The following TADA2A variants were observed in gnomAD, a reference collection of about 807,000 sequenced individuals.
TADA2A encodes transcriptional adapter 2-alpha.
TADA2A carries 38 observed loss-of-function variants against 67.4 expected under a neutral mutation model. The observed-to-expected ratio is 0.56, with a 90% confidence interval of 0.44 to 0.74. The LOEUF is 0.74. TADA2A is among the 30% of genes least tolerant of loss of function. The probability of loss-of-function intolerance (pLI) is 0.00; values close to 1 mark genes in which losing one functional copy is unlikely to be tolerated. For synonymous variants in TADA2A, 192 were observed against 181.6 expected (o/e 1.06, Z -0.46); for missense variants, 454 against 547.0 (o/e 0.83, Z 1.70).
intron 2 of TADA2A, among the ~76,000 whole-genome samples, chr17:37,415,681 C>T (rs2052019395): frequency 6.6e-6 from 1 of 151,822 alleles, no homozygotes; most frequent in Non-Finnish European, 1.5e-5. Flanking sequence ...TGTTCGAGAC[C>T]AGCCTGACCA....
intron 15 of TADA2A, among the ~76,000 whole-genome samples, chr17:37,475,548 C>T (rs1240920726): frequency 1.3e-5 from 2 of 151,754 alleles, no homozygotes; most frequent in African/African-American, 2.4e-5. Flanking sequence ...TCTCGGCTCA[C>T]TGCAACCTCT....
rs1455380819 is a variant in TADA2A, at chr17:37,473,869, G to T, written c.1073-687G>T. Among the ~76,000 whole-genome samples the T allele has an allele frequency of 2.0e-5, 3 of 152,190 alleles. No homozygotes were observed. The East Asian group carries it at 5.8e-4, about 29-fold the overall frequency. On this transcript the variant is annotated intron_variant, in intron 14 of 15. Coordinates refer to ENST00000615182, the MANE Select transcript of TADA2A (RefSeq NM_001166105.3). ...AATAAAAAAGAAGGGCCTTTTGCTGGCCTAACAGTCTTTCTTTGATCTGAA... is the reference window on the plus strand; with the variant it reads ...AATAAAAAAGAAGGGCCTTTTGCTGTCCTAACAGTCTTTCTTTGATCTGAA...
intron 10 of TADA2A, among the ~76,000 whole-genome samples, chr17:37,464,944 C>T (rs939985324): frequency 6.6e-5 from 10 of 151,526 alleles, no homozygotes; most frequent in African/African-American, 2.4e-4. Flanking sequence ...GTCAAGAGTT[C>T]AAGACCAGCC....
At chr17:37,416,982 G>A (rs2052069785) in intron 2 of TADA2A, among the ~76,000 whole-genome samples, 1 of 152,008 alleles carries the variant, frequency 6.6e-6, no homozygotes, top group Admixed American at 6.6e-5. Context: ...CCTTTTGAAG[G>A]ACAGTTGGGC....
At chr17:37,447,309 C>G (rs2053111095) in intron 8 of TADA2A, among the ~76,000 whole-genome samples, 1 of 152,174 alleles carries the variant, frequency 6.6e-6, no homozygotes, top group African/African-American at 2.4e-5. Context: ...TTAGCGCCAC[C>G]ATGCCCAGCT....
At chr17:37,423,316 G>A (rs72828253) in intron 2 of TADA2A, among the ~76,000 whole-genome samples, 193 bp from the exon 3 acceptor site, 110,361 of 152,130 alleles carry the variant, frequency 0.73, 40,669 homozygotes, top group East Asian at 0.97. Flanking sequence ...CTGTGTGAAA[G>A]GGAACAATGC....
intron 5 of TADA2A, among the ~76,000 whole-genome samples, chr17:37,439,702 A>C (rs1252150700): frequency 6.6e-6 from 1 of 152,166 alleles, no homozygotes; most frequent in African/African-American, 2.4e-5. Context: ...TCTGTTGTGA[A>C]TGTTTCTAGC....
intron 10 of TADA2A, among the ~76,000 whole-genome samples, chr17:37,465,065 T>A (rs1010309636): frequency 5.3e-5 from 8 of 151,308 alleles, no homozygotes; most frequent in Non-Finnish European, 7.4e-5. Context: ...GGAGAATTGC[T>A]TGAATCCAGG....
chr17:37,464,565 C>T (rs2053618434), intron 10 of TADA2A, among the ~76,000 whole-genome samples: 1 of 152,120 alleles, frequency 6.6e-6, no homozygotes, highest in Non-Finnish European at 1.5e-5. Context: ...GGTGGCCGGG[C>T]GCGGTGGCTC....
At chr17:37,471,399 T>C (rs1288258379) in intron 14 of TADA2A, among the ~76,000 whole-genome samples, 1 of 152,238 alleles carries the variant, frequency 6.6e-6, no homozygotes, top group Non-Finnish European at 1.5e-5. Flanking sequence ...AACTTCTTTA[T>C]TTTACCAATG....
At chr17:37,456,128 C>T (rs537023543) in intron 8 of TADA2A, among the ~76,000 whole-genome samples, 14 of 152,200 alleles carry the variant, frequency 9.2e-5, no homozygotes, top group African/African-American at 2.9e-4. Context: ...CCCTTGAACC[C>T]GGGAGGCAGA....
intron 14 of TADA2A, among the ~76,000 whole-genome samples, chr17:37,473,700 C>T (rs1568187774): frequency 6.6e-6 from 1 of 152,216 alleles, no homozygotes; most frequent in Admixed American, 6.5e-5. Context: ...CCCCTCCTGG[C>T]CAGTGACCTC....
chr17:37,472,097 G>A lies in TADA2A; in HGVS notation c.1072+960G>A, dbSNP rs879424813. Among the ~76,000 whole-genome samples the A allele has an allele frequency of 4.0e-5, 6 of 151,166 alleles. No individual in the cohort carries two copies. In the East Asian group the frequency reaches 7.8e-4, roughly 20 times the overall value. ...TTTTTTTTTTTTGAGATGGAGTCTCGCTCTGTCACCCAGGCTGGAGTGCAG... is the reference window on the plus strand; with the variant it reads ...TTTTTTTTTTTTGAGATGGAGTCTCACTCTGTCACCCAGGCTGGAGTGCAG... On this transcript the variant is annotated intron_variant, in intron 14 of 15. Coordinates refer to ENST00000615182, the MANE Select transcript of TADA2A (RefSeq NM_001166105.3).
chr17:37,458,665 GTGTGTGTGTCTGTGTC>G (rs1689821227), intron 9 of TADA2A, 78 bp downstream of exon 9: 1 of 1,212,568 alleles, frequency 8.2e-7, no homozygotes, highest in African/African-American at 1.5e-5. Flanking sequence ...GTGTGTGTGT[GTGTGTGTGTCTGTGTC>G]TGTGTCTGTG....
intron 8 of TADA2A, among the ~76,000 whole-genome samples, chr17:37,446,433 C>G (rs920251548): frequency 6.6e-6 from 1 of 151,908 alleles, no homozygotes; most frequent in African/African-American, 2.4e-5. Context: ...AAAGGGGCAG[C>G]TTCATAAATA....
At chr17:37,463,627 G>A (rs1468302211) in intron 10 of TADA2A, among the ~76,000 whole-genome samples, 1 of 151,712 alleles carries the variant, frequency 6.6e-6, no homozygotes, top group East Asian at 2.0e-4. Context: ...ATCATCATAA[G>A]TATGTTACAT....
chr17:37,444,868 C>T lies in TADA2A; in HGVS notation c.604+100C>T, dbSNP rs569089019. On this transcript the variant is annotated intron_variant, in intron 8 of 15. Coordinates refer to ENST00000615182, the MANE Select transcript of TADA2A (RefSeq NM_001166105.3). ...AGGATGAATAGAACATGTCCCCTGC[C>T]CTTATAGAATTCAGAAATCTAGTGG... 82 of 1,093,490 alleles carry T rather than the reference C, an allele frequency of 7.5e-5. No homozygotes were observed. The East Asian group carries it at 1.2e-3, about 15-fold the overall frequency. The allele number at this position is 1,093,490 out of a possible 1,614,324, so 67.7% of individuals were successfully genotyped here.
chr17:37,437,744 G>A lies in TADA2A; in HGVS notation c.199G>A (p.Asp67Asn), dbSNP rs141037954. Residue 67 changes from aspartate to asparagine, a missense_variant, in exon 5 of 16, where the codon GAT (aspartate) becomes AAT (asparagine). Asp to Asn is a conservative substitution (Grantham distance 23). Transcript: ENST00000615182. ...AAAACTTTTTTCTCCTTAGACTTCA[G>A]ATTTTCCTGTCCTTGATCCCAGCTG... ...SDHTYEIMTS[D>N]FPVLDPSWTA... The A allele has an allele frequency of 2.5e-6, 4 of 1,614,090 alleles. No homozygotes were observed. In the East Asian group the frequency reaches 8.9e-5, roughly 36 times the overall value.
At chr17:37,426,121 A>G (rs925771376) in intron 3 of TADA2A, among the ~76,000 whole-genome samples, 1 of 152,040 alleles carries the variant, frequency 6.6e-6, no homozygotes, top group Non-Finnish European at 1.5e-5. Flanking sequence ...GTCTATGGGC[A>G]CAAGCCACAA....
Sources: gnomAD v4.1 joint callset for allele counts (sites outside exome capture counted in the v4.1 genomes callset) on GRCh38, gnomAD v4.1.1 for gene constraint, MANE v1.5 for transcripts, NCBI Gene and HGNC (gene_info 2026-07-23, HGNC 2026-07-21) for gene names.